Variants in NEK5 observed in about 807,000 individuals in gnomAD.
The protein encoded by NEK5 is NIMA related kinase 5.
NEK5 carries 88 observed loss-of-function variants against 109.2 expected under a neutral mutation model. The ratio of observed to expected loss-of-function variants is 0.81; its 90% CI spans 0.68 to 0.96. The LOEUF (loss-of-function observed/expected upper bound fraction) is 0.96. Among genes scored for constraint, NEK5 ranks in the 40% least tolerant of loss-of-function variants. The probability of loss-of-function intolerance (pLI) is 0.00; values close to 1 mark genes in which losing one functional copy is unlikely to be tolerated. For synonymous variants in NEK5, 283 were observed against 299.9 expected (o/e 0.94, Z 0.58); for missense variants, 834 against 920.7 (o/e 0.91, Z 1.22).
intron 5 of NEK5, among the ~76,000 whole-genome samples, chr13:52,111,952 G>A (rs1449569427): frequency 6.6e-6 from 1 of 152,082 alleles, no homozygotes; most frequent in African/African-American, 2.4e-5. Flanking sequence ...ATGTTAAATG[G>A]CTAAGGAACA....
At chr13:52,092,954 G>T (rs1220469198) in intron 13 of NEK5, 100 bp downstream of exon 13, 2 of 788,506 alleles carry the variant, frequency 2.5e-6, no homozygotes, top group African/African-American at 3.5e-5. Flanking sequence ...GTTCTTCTTG[G>T]ATTATTTGTG....
At position 52,071,947 on chromosome 13, in the gene NEK5, C is replaced by A. The variant is rs773984876; in HGVS notation, c.1846G>T (p.Ala616Ser). 1.9e-6 allele frequency: 3 copies of A among 1,613,210 alleles called. No homozygotes were observed. In the East Asian group the frequency reaches 6.7e-5, roughly 36 times the overall value. Residue 616 changes from alanine (A) to serine (S), a missense_variant, in exon 20 of 24, where the codon GCA becomes TCA. Physicochemically the swap from Ala to Ser is moderately conservative, Grantham distance 99. Coordinates refer to ENST00000684899, the MANE Select transcript of NEK5 (RefSeq NM_001365552.1). ...ACAACTTTCAAGAAACACATACCTG[C>A]TTCTGGGCAGTGAAGTTTTTCAAAT... ...KAFEKLHCPE[A>S]GFSTQTVAAV...
At chr13:52,105,235 ATGAGTG>A (rs1955625730) in intron 8 of NEK5, among the ~76,000 whole-genome samples, 1 of 107,382 alleles carries the variant, frequency 9.3e-6, no homozygotes, top group Non-Finnish European at 2.1e-5. Flanking sequence ...TGCTTTGTGC[ATGAGTG>A]TGTGTGTGTG....
chr13:52,096,812 G>C, intron 12 of NEK5, among the ~76,000 whole-genome samples: 1 of 152,330 alleles, frequency 6.6e-6, no homozygotes, highest in Non-Finnish European at 1.5e-5. Flanking sequence ...GTCAAATGTT[G>C]TTAGCCAAGA....
intron 19 of NEK5, among the ~76,000 whole-genome samples, chr13:52,074,326 C>T (rs1954830242): frequency 6.6e-6 from 1 of 152,062 alleles, no homozygotes; most frequent in South Asian, 2.1e-4. Context: ...GAAATAAAGC[C>T]ACTCATCTAC....
At chr13:52,060,671 C>T (rs182785634) in intron 22 of NEK5, among the ~76,000 whole-genome samples, 24 of 152,196 alleles carry the variant, frequency 1.6e-4, no homozygotes, top group African/African-American at 5.8e-4. Flanking sequence ...TTATCAGCCT[C>T]CAAGAATATC....
intron 3 of NEK5, among the ~76,000 whole-genome samples, chr13:52,122,078 T>A (rs1417227066): frequency 1.3e-5 from 2 of 152,180 alleles, no homozygotes; most frequent in Non-Finnish European, 2.9e-5. Flanking sequence ...AATTATGGTA[T>A]TTTTGACCTG....
chr13:52,036,963 T>C lies in NEK5; in HGVS notation c.2484A>G (p.Gln828=). 1.0e-6 allele frequency: 1 copy of C among 985,154 alleles called. No homozygotes were observed. Among genetic ancestry groups the C allele is most frequent in the African/African-American group, 1.7e-5 (1 of 57,352 alleles). 61.0% of individuals were successfully genotyped at this position (985,154 alleles called of 1,614,324 possible). ...DEDQGTSTTS[Q]NIQV ...AGTACAATAATCACACTTGTATATT[T>C]TGACTGGTTGTTGATGTTCCTTGGT... Residue 828 remains glutamine (Q), a synonymous_variant, in exon 24 of 24, where the codon CAA becomes CAG. Coordinates refer to ENST00000684899, the MANE Select transcript of NEK5 (RefSeq NM_001365552.1).
chr13:52,075,837 G>C lies in NEK5; in HGVS notation c.1654-11C>G. On this transcript the variant is annotated splice_polypyrimidine_tract_variant and intron_variant, in intron 18 of 23. Coordinates refer to ENST00000684899, the MANE Select transcript of NEK5 (RefSeq NM_001365552.1). ...AAATTTTACCCCCTTCTAGGAGAAA[G>C]CAAAAAAAAAAAAAAAGTTTAGCAA... 4.2e-6 allele frequency: 5 copies of C among 1,203,708 alleles called. No homozygotes were observed. Among genetic ancestry groups the C allele is most frequent in the East Asian group, 2.7e-5 (1 of 36,384 alleles). 74.6% of individuals were successfully genotyped at this position (1,203,708 alleles called of 1,614,324 possible). A position where few individuals can be genotyped will look rare whatever the true frequency, so the allele number is the denominator to read the frequency against.
intron 4 of NEK5, among the ~76,000 whole-genome samples, chr13:52,113,283 A>G (rs992870487): frequency 1.3e-5 from 2 of 152,228 alleles, no homozygotes; most frequent in Admixed American, 6.5e-5. Context: ...CATAAGAAAG[A>G]AAATTCAGAA....
chr13:52,095,214 C>T (rs1000368922), intron 12 of NEK5, among the ~76,000 whole-genome samples: 9 of 152,140 alleles, frequency 5.9e-5, no homozygotes, highest in African/African-American at 1.4e-4. Flanking sequence ...GGATTATAGG[C>T]GTGAGCCACT....
intron 21 of NEK5, among the ~76,000 whole-genome samples, chr13:52,063,655 C>T (rs1000321193): frequency 1.3e-5 from 2 of 150,878 alleles, no homozygotes; most frequent in Non-Finnish European, 3.0e-5. Context: ...CACCCATCGT[C>T]TGAGATGTGG....
Position 52,093,209 on chromosome 13 carries a change from A to G in NEK5, c.1053T>C (p.Ile351=), listed in dbSNP as rs747562022. ...RSIKMIERPK[I]AAVCGHYDYY... ...AATCATAATGTCCACAGACAGCAGC[A>G]ATTTTGGGTCTTTCTATCATTTTTA... The change falls in exon 13 of 24, where the codon ATT becomes ATC. Residue 351 remains isoleucine (I), a synonymous_variant. Coordinates refer to ENST00000684899, the MANE Select transcript of NEK5 (RefSeq NM_001365552.1). The G allele has an allele frequency of 3.7e-6, 6 of 1,613,074 alleles. No individual in the cohort carries two copies. The South Asian group carries it at 6.6e-5, about 18-fold the overall frequency.
intron 9 of NEK5, among the ~76,000 whole-genome samples, chr13:52,102,575 C>T (rs1955562779): frequency 6.6e-6 from 1 of 152,112 alleles, no homozygotes. Flanking sequence ...AGCCTGTGGT[C>T]CCAGCTACTT....
chr13:52,084,743 GA>G, intron 16 of NEK5, among the ~76,000 whole-genome samples: 1 of 47,880 alleles, frequency 2.1e-5, no homozygotes, highest in Non-Finnish European at 6.4e-5. Context: ...GTGAGAGAGA[GA>G]GAGAGAGAGA....
In NEK5 at chr13:52,037,237, A is replaced by C. The variant is rs1418882807; in HGVS notation, c.2229-19T>G. ...AAAATTTCTGAAATAATAAGCAGTAAAAATCAGCATTATGATATGAAAGTA... is the reference window on the plus strand; with the variant it reads ...AAAATTTCTGAAATAATAAGCAGTACAAATCAGCATTATGATATGAAAGTA... On this transcript the variant is annotated intron_variant, in intron 23 of 23. Transcript: ENST00000684899. 3.1e-5 allele frequency: 30 copies of C among 967,994 alleles called. No homozygotes were observed. Among genetic ancestry groups the C allele is most frequent in the Non-Finnish European group, 3.6e-5 (29 of 814,180 alleles). 60.0% of individuals were successfully genotyped at this position (967,994 alleles called of 1,614,324 possible). A position where few individuals can be genotyped will look rare whatever the true frequency, so the allele number is the denominator to read the frequency against.
chr13:52,043,420 C>T (rs910563600), intron 23 of NEK5, among the ~76,000 whole-genome samples: 3 of 150,994 alleles, frequency 2.0e-5, no homozygotes, highest in Non-Finnish European at 4.4e-5. Flanking sequence ...ACCTGTAATC[C>T]CAGCTACTCG....
At chr13:52,117,701 C>T (rs1474210827) in intron 4 of NEK5, among the ~76,000 whole-genome samples, 1 of 151,892 alleles carries the variant, frequency 6.6e-6, no homozygotes, top group Non-Finnish European at 1.5e-5. Context: ...AGATGGAGCC[C>T]CAAAATTCAT....
At chr13:52,115,076 A>G (rs1313495107) in intron 4 of NEK5, among the ~76,000 whole-genome samples, 1 of 150,600 alleles carries the variant, frequency 6.6e-6, no homozygotes, top group Admixed American at 6.6e-5. Flanking sequence ...GCAGTGGCGC[A>G]ATCTCGGCTC....
Sources: allele counts gnomAD v4.1 joint callset (sites outside exome capture counted in the v4.1 genomes callset), GRCh38; gene constraint gnomAD v4.1.1; transcripts MANE v1.5; gene names NCBI Gene and HGNC (gene_info 2026-07-23, HGNC 2026-07-21).